MGAT5: variants seen among roughly 807,000 people sequenced by gnomAD.
The protein encoded by MGAT5 is alpha-1,6-mannosylglycoprotein 6-beta-N-acetylglucosaminyltransferase, also known as alpha-1,6-mannosylglycoprotein 6-beta-N-acetylglucosaminyltransferase A.
MGAT5 carries 30 observed loss-of-function variants against 94.3 expected under a neutral mutation model. The ratio of observed to expected loss-of-function variants is 0.32; its 90% CI spans 0.24 to 0.43. MGAT5 has a LOEUF of 0.43. Among genes scored for constraint, MGAT5 ranks in the 20% least tolerant of loss-of-function variants. The pLI is 1.00. For missense variants in MGAT5, 691 were observed against 905.5 expected (o/e 0.76, Z 3.04); for synonymous variants, 310 against 322.9 (o/e 0.96, Z 0.43).
chr2:134,196,458 C>T (rs1028807979), intron 1 of MGAT5, among the ~76,000 whole-genome samples: 7 of 150,518 alleles, frequency 4.7e-5, no homozygotes, highest in African/African-American at 7.3e-5. Flanking sequence ...CTTTAAAATA[C>T]GTGTTTTGTT....
At chr2:134,266,446 C>T (rs1370916747) in intron 1 of MGAT5, among the ~76,000 whole-genome samples, 2 of 152,192 alleles carry the variant, frequency 1.3e-5, no homozygotes, top group African/African-American at 4.8e-5. Flanking sequence ...GTCTCTAACT[C>T]CTGACCTCAG....
chr2:134,355,664 C>T (rs1451165655), intron 9 of MGAT5, among the ~76,000 whole-genome samples: 2 of 152,170 alleles, frequency 1.3e-5, no homozygotes, highest in Non-Finnish European at 2.9e-5. Context: ...AAGGCATTTG[C>T]CTTTACCATT....
chr2:134,329,595 G>A (rs1050995957), intron 4 of MGAT5, among the ~76,000 whole-genome samples: 6 of 151,984 alleles, frequency 3.9e-5, no homozygotes, highest in African/African-American at 1.5e-4. Flanking sequence ...ATCAGCTCTG[G>A]GGCAAGACAG....
chr2:134,164,107 CA>C (rs1687859923), intron 1 of MGAT5, among the ~76,000 whole-genome samples: 1 of 152,168 alleles, frequency 6.6e-6, no homozygotes. Flanking sequence ...TGTTCTAATC[CA>C]GCAGTAACCA....
At chr2:134,236,538 C>A (rs1418282887) in intron 1 of MGAT5, among the ~76,000 whole-genome samples, 1 of 152,144 alleles carries the variant, frequency 6.6e-6, no homozygotes, top group South Asian at 2.1e-4. Flanking sequence ...TTTATAGGGA[C>A]CTTCCCCCCC....
Position 134,336,225 on chromosome 2 carries a change from T to A in MGAT5, c.582T>A (p.Asn194Lys), listed in dbSNP as rs1473785977. The A allele has an allele frequency of 1.2e-6, 2 of 1,612,164 alleles. No homozygotes were observed. The highest frequency in any genetic ancestry group is 2.7e-5 in the African/African-American group (2 of 74,810). ...SFFIYLSEVE[N>K]WCPHLPWRAK... ...TCACTGATGCTTTTTAGGTTGAAAA[T>A]TGGTGTCCTCATTTACCTTGGAGAG... Residue 194 changes from asparagine to lysine, a missense_variant, in exon 5 of 16, where the codon AAT becomes AAA. This residue lies in a region of MGAT5 where 307 missense variants were observed against 335.4 expected (regional missense o/e 0.92). Transcript: ENST00000281923.
intron 1 of MGAT5, among the ~76,000 whole-genome samples, chr2:134,256,342 G>C (rs1429705380): frequency 1.3e-5 from 2 of 152,198 alleles, no homozygotes; most frequent in African/African-American, 2.4e-5. Context: ...AGGTAACACA[G>C]GTGCAGTTTT....
chr2:134,344,324 G>A (rs1688802750), intron 7 of MGAT5, among the ~76,000 whole-genome samples: 1 of 152,116 alleles, frequency 6.6e-6, no homozygotes. Context: ...GTCAAGCGAG[G>A]AGGAAAAATT....
rs1397564572 is a variant in MGAT5 at position 134,422,818 on chromosome 2, C to G, written c.1693C>G (p.Pro565Ala). The G allele has an allele frequency of 6.2e-7, 1 of 1,613,808 alleles. No individual in the cohort carries two copies. Among genetic ancestry groups the G allele is most frequent in the Admixed American group, 1.7e-5 (1 of 60,020 alleles). Residue 565 changes from proline to alanine, a missense_variant, in exon 13 of 16, where the codon CCT (proline) becomes GCT (alanine). This residue lies in a region of MGAT5 where 260 missense variants were observed against 347.0 expected (regional missense o/e 0.75). Transcript: ENST00000281923. ...PTLRELTSQH[P>A]YAEVFIGRPH... ...TCTTTTCCAGCTGACATCCCAGCAT[C>G]CTTACGCTGAAGTTTTCATCGGGCG...
intron 1 of MGAT5, among the ~76,000 whole-genome samples, chr2:134,214,962 T>C (rs1680398632): frequency 6.6e-6 from 1 of 152,162 alleles, no homozygotes; most frequent in Non-Finnish European, 1.5e-5. Context: ...CTCTTCCAGC[T>C]TCTACCTCTA....
intron 1 of MGAT5, among the ~76,000 whole-genome samples, chr2:134,175,690 C>T (rs1053910428): frequency 6.6e-6 from 1 of 152,196 alleles, no homozygotes; most frequent in Non-Finnish European, 1.5e-5. Context: ...CATCCTGTTC[C>T]CTTCCCATAA....
chr2:134,156,243 C>CA (rs1687474998), intron 1 of MGAT5, among the ~76,000 whole-genome samples: 1 of 152,168 alleles, frequency 6.6e-6, no homozygotes, highest in Non-Finnish European at 1.5e-5. Flanking sequence ...TTCTAGGTCA[C>CA]AGGTTCTCAA....
At chr2:134,274,860 T>C (rs1286883200) in intron 2 of MGAT5, among the ~76,000 whole-genome samples, 1 of 152,164 alleles carries the variant, frequency 6.6e-6, no homozygotes, top group African/African-American at 2.4e-5. Flanking sequence ...TGCAACACTT[T>C]CTAGTATTTG....
chr2:134,236,547 C>A (rs72846756), intron 1 of MGAT5, among the ~76,000 whole-genome samples: 15 of 152,114 alleles, frequency 9.9e-5, no homozygotes, highest in South Asian at 4.1e-4. Context: ...ACCTTCCCCC[C>A]CCTTTTGCTT....
At chr2:134,429,493 C>T (rs1169508467) in intron 14 of MGAT5, among the ~76,000 whole-genome samples, 1 of 152,170 alleles carries the variant, frequency 6.6e-6, no homozygotes, top group African/African-American at 2.4e-5. Context: ...GTTACTTGGC[C>T]TCTCTATGCC....
At chr2:134,338,129 A>G in intron 5 of MGAT5, 130 bp from the exon 6 acceptor site, 2 of 754,502 alleles carry the variant, frequency 2.7e-6, no homozygotes, top group South Asian at 2.3e-5. Flanking sequence ...GCTGCAGCAG[A>G]CAAGACTTAC....
chr2:134,126,527 ACT>A, intron 1 of MGAT5, among the ~76,000 whole-genome samples: 1 of 152,206 alleles, frequency 6.6e-6, no homozygotes, highest in South Asian at 2.1e-4. Flanking sequence ...TGGCCAGTAG[ACT>A]CTCTTTAGCA....
intron 10 of MGAT5, among the ~76,000 whole-genome samples, chr2:134,397,377 C>T (rs987116082): frequency 5.9e-5 from 9 of 152,124 alleles, no homozygotes; most frequent in Non-Finnish European, 1.3e-4. Flanking sequence ...GTGTGTCTGA[C>T]CATGCTGGCT....
chr2:134,237,834 T>TCTGCCTCCTGGGTTCAAGCAATTCTC (rs1185772144), intron 1 of MGAT5, among the ~76,000 whole-genome samples: 189 of 151,242 alleles, frequency 1.2e-3, no homozygotes, highest in African/African-American at 3.9e-3. Context: ...CACCGCAGCC[T>TCTGCCTCCTGGGTTCAAGCAATTCTC]CTGCCTCCTG....
Sources: allele counts gnomAD v4.1 joint callset (sites outside exome capture counted in the v4.1 genomes callset), GRCh38; gene constraint gnomAD v4.1.1; regional missense constraint gnomAD v4.1.1; transcripts MANE v1.5; gene names NCBI Gene and HGNC (gene_info 2026-07-23, HGNC 2026-07-21).